PPP2R2B: variants seen among roughly 807,000 people sequenced by gnomAD.
PPP2R2B encodes protein phosphatase 2 regulatory subunit Bbeta.
Under a neutral mutation model 46.0 loss-of-function variants are expected in PPP2R2B, and 5 were observed. The ratio of observed to expected loss-of-function variants is 0.11; its 90% confidence interval spans 0.06 to 0.23. PPP2R2B has a LOEUF of 0.23. Among genes scored for constraint, PPP2R2B ranks in the 10% least tolerant of loss-of-function variants. PPP2R2B has a pLI of 1.00. For missense variants in PPP2R2B, 367 were observed against 575.0 expected (o/e 0.64, Z 3.70); for synonymous variants, 215 against 206.7 (o/e 1.04, Z -0.34).
chr5:146,700,997 CCTT>C lies in PPP2R2B; in HGVS notation c.168+45_168+47del. 3 of 1,499,846 alleles carry C rather than the reference CCTT, an allele frequency of 2.0e-6. No individual in the cohort carries two copies. In the East Asian group the frequency reaches 6.8e-5, roughly 34 times the overall value. 92.9% of individuals were successfully genotyped at this position (1,499,846 alleles called of 1,614,324 possible). ...AGGATTAAGGAACAGTAGGAGGCCT[CCTT>C]TAAAAAGTGAAGAAAATGGGCATTT... On this transcript the variant is annotated intron_variant, in intron 3 of 9. Transcript: ENST00000394411.
intron 1 of PPP2R2B, among the ~76,000 whole-genome samples, chr5:147,002,504 T>C: frequency 6.6e-6 from 1 of 152,102 alleles, no homozygotes; most frequent in Non-Finnish European, 1.5e-5. Context: ...GGAGAATGCT[T>C]AGGACTCTAA....
intron 2 of PPP2R2B, among the ~76,000 whole-genome samples, chr5:146,750,273 A>G (rs919101865): frequency 1.3e-5 from 2 of 152,100 alleles, no homozygotes; most frequent in African/African-American, 4.8e-5. Flanking sequence ...ATTTTTAGCT[A>G]TTTTGGTTCC....
intron 1 of PPP2R2B, among the ~76,000 whole-genome samples, chr5:147,009,022 T>C (rs1436332643): frequency 6.6e-6 from 1 of 152,146 alleles, no homozygotes; most frequent in Non-Finnish European, 1.5e-5. Flanking sequence ...AGAAATATTA[T>C]AAAAATGATC....
intron 1 of PPP2R2B, among the ~76,000 whole-genome samples, chr5:146,929,768 A>G (rs1314475764): frequency 6.6e-6 from 1 of 152,188 alleles, no homozygotes; most frequent in Non-Finnish European, 1.5e-5. Context: ...ATAGACTACT[A>G]GGGTTTATAT....
chr5:147,041,557 A>AT (rs931743869), intron 1 of PPP2R2B, among the ~76,000 whole-genome samples: 37 of 148,922 alleles, frequency 2.5e-4, no homozygotes, highest in East Asian at 5.9e-4. Context: ...CAGTGGTGCC[A>AT]TTTTTTTTTT....
intron 1 of PPP2R2B, among the ~76,000 whole-genome samples, chr5:146,901,336 C>G (rs1446617163): frequency 1.3e-5 from 2 of 151,970 alleles, no homozygotes; most frequent in African/African-American, 4.8e-5. Context: ...CCAGGCTCCA[C>G]AAAAAATTAA....
At chr5:147,009,624 T>C (rs994142329) in intron 1 of PPP2R2B, among the ~76,000 whole-genome samples, 8 of 152,108 alleles carry the variant, frequency 5.3e-5, no homozygotes, top group Middle Eastern at 3.2e-3. Flanking sequence ...TCAAGTTTTT[T>C]TTAGGACATG....
rs530967404 is a variant in PPP2R2B, at chr5:147,015,270, A to G, written c.79+40395T>C. Among the ~76,000 whole-genome samples the G allele has an allele frequency of 9.4e-4, 143 of 151,744 alleles. 1 individual carries two copies. Among genetic ancestry groups the G allele is most frequent in the African/African-American group, 3.3e-3 (138 of 41,550 alleles). ...TCGTCTCATATCATTGCCCTGTTTT[A>G]AAATTCTCATTGAATTTATATGACT... On this transcript the variant is annotated intron_variant, in intron 1 of 8. Transcript: ENST00000336640.
At chr5:146,889,119 A>T (rs1251766261) in intron 1 of PPP2R2B, among the ~76,000 whole-genome samples, 1 of 152,216 alleles carries the variant, frequency 6.6e-6, no homozygotes, top group Non-Finnish European at 1.5e-5. Context: ...AGAATAAAAG[A>T]GTGAATATGT....
intron 5 of PPP2R2B, among the ~76,000 whole-genome samples, chr5:146,664,703 C>T (rs892625686): frequency 2.2e-4 from 34 of 152,066 alleles, no homozygotes; most frequent in African/African-American, 7.2e-4. Context: ...GTGAGTGCGT[C>T]CCAGAAGATG....
At chr5:146,754,592 T>C (rs896941278) in intron 2 of PPP2R2B, among the ~76,000 whole-genome samples, 3 of 152,224 alleles carry the variant, frequency 2.0e-5, no homozygotes, top group Non-Finnish European at 2.9e-5. Flanking sequence ...TCATTTCTAG[T>C]GGACAGAATA....
intron 2 of PPP2R2B, among the ~76,000 whole-genome samples, chr5:146,708,715 T>G (rs1301669015): frequency 6.6e-6 from 1 of 152,210 alleles, no homozygotes; most frequent in Non-Finnish European, 1.5e-5. Flanking sequence ...AATTATTTTC[T>G]TAGTACACAG....
At chr5:146,925,124 C>T (rs561719244) in intron 1 of PPP2R2B, among the ~76,000 whole-genome samples, 3 of 152,254 alleles carry the variant, frequency 2.0e-5, no homozygotes, top group South Asian at 4.2e-4. Context: ...CCCAACACTA[C>T]AGTGTTAAAA....
chr5:146,650,788 T>C (rs768090292), intron 5 of PPP2R2B, 64 bp from the exon 6 acceptor site: 412 of 1,442,506 alleles, frequency 2.9e-4, no homozygotes, highest in Non-Finnish European at 3.8e-4. Flanking sequence ...AGAGTGTGCA[T>C]GCTAATATCA....
Position 146,707,519 on chromosome 5 carries a change from C to A in PPP2R2B, c.71-6377G>T, listed in dbSNP as rs1345781489. On this transcript the variant is annotated intron_variant, in intron 2 of 9. Transcript: ENST00000394411. The stretch of plus-strand genomic sequence containing the variant: ...CAAGGAGCTGATGCAGACACCAGGC[C>A]CACTCGTGTAGGAGCAGCTGCAGAA... The A allele has an allele frequency of 5.5e-6, 4 of 732,040 alleles. No individual in the cohort carries two copies. In the East Asian group the frequency reaches 1.0e-4, roughly 19 times the overall value. 45.3% of individuals were successfully genotyped at this position (732,040 alleles called of 1,614,324 possible).
At chr5:146,954,756 A>ATGTGTGTGTGTGTGTGTG (rs149370877) in intron 1 of PPP2R2B, among the ~76,000 whole-genome samples, 11 of 146,646 alleles carry the variant, frequency 7.5e-5, no homozygotes, top group African/African-American at 1.8e-4. Context: ...ATGTGTATAT[A>ATGTGTGTGTGTGTGTGTG]TGTGTGTGTG....
chr5:146,669,082 A>G (rs1450795852), intron 5 of PPP2R2B, among the ~76,000 whole-genome samples: 3 of 152,224 alleles, frequency 2.0e-5, no homozygotes, highest in Non-Finnish European at 2.9e-5. Context: ...AAGAGAACAA[A>G]TGTGCAGTTC....
chr5:146,936,971 T>C lies in PPP2R2B; in HGVS notation c.79+118694A>G, dbSNP rs201430774. ...AAATCATTCTTCGAACTAGACAGTATAAAATTCCATTTGTGGATAAAACAA... is the reference window on the plus strand; with the variant it reads ...AAATCATTCTTCGAACTAGACAGTACAAAATTCCATTTGTGGATAAAACAA... On this transcript the variant is annotated intron_variant, in intron 1 of 8. Transcript: ENST00000336640. 7.9e-5 allele frequency among the ~76,000 whole-genome samples: 12 copies of C among 152,016 alleles called. No individual in the cohort carries two copies. In the East Asian group the frequency reaches 2.1e-3, roughly 27 times the overall value.
At chr5:146,816,249 T>TA (rs1227671624) in intron 2 of PPP2R2B, among the ~76,000 whole-genome samples, 1 of 151,998 alleles carries the variant, frequency 6.6e-6, no homozygotes, top group Non-Finnish European at 1.5e-5. Context: ...ACAAAAAAAT[T>TA]AAAAAATTGG....
Sources: gnomAD v4.1 joint callset for allele counts (sites outside exome capture counted in the v4.1 genomes callset) on GRCh38, gnomAD v4.1.1 for gene constraint, MANE v1.5 for transcripts, NCBI Gene and HGNC (gene_info 2026-07-23, HGNC 2026-07-21) for gene names.